The following PICALM variants were observed in gnomAD, a reference collection of about 807,000 sequenced individuals.
The protein encoded by PICALM is phosphatidylinositol binding clathrin assembly protein.
PICALM carries 40 observed loss-of-function variants against 80.5 expected under a neutral mutation model. The observed-to-expected ratio is 0.50, with a 90% CI of 0.39 to 0.65. The LOEUF (loss-of-function observed/expected upper bound fraction) is 0.65, where lower values mean the gene tolerates loss of function less well. PICALM is among the 30% of genes least tolerant of loss of function. The pLI, the probability that PICALM is intolerant of heterozygous loss-of-function variation, is 0.00. For missense variants in PICALM, 676 were observed against 778.9 expected (o/e 0.87, Z 1.57); for synonymous variants, 288 against 260.3 (o/e 1.11, Z -1.02).
intron 8 of PICALM, chr11:86,003,684 T>C (rs965591579): frequency 3.0e-6 from 1 of 336,452 alleles, no homozygotes; most frequent in African/African-American, 2.1e-5. Flanking sequence ...CTGAAAACTA[T>C]GTAAACATGA....
Position 85,961,142 on chromosome 11 carries a change from G to A in PICALM, c.1945-2082C>T, listed in dbSNP as rs2093675061. Among the ~76,000 whole-genome samples, 3 of 152,174 alleles carry A rather than the reference G, an allele frequency of 2.0e-5. No homozygotes were observed. In the South Asian group the frequency reaches 6.2e-4, roughly 32 times the overall value. On this transcript the variant is annotated intron_variant, in intron 19 of 19. Transcript: ENST00000393346. ...TAATTGCATTTTTGTTTAAAATTGA[G>A]AGAACATGGTTTCCTGTGTCCAGGC...
intron 11 of PICALM, among the ~76,000 whole-genome samples, chr11:85,998,456 G>C (rs962712108): frequency 1.3e-5 from 2 of 151,620 alleles, no homozygotes; most frequent in African/African-American, 4.8e-5. Flanking sequence ...TGACCCCAGA[G>C]TGTCTAAGAA....
chr11:86,019,636 C>A lies in PICALM; in HGVS notation c.452+2731G>T, dbSNP rs535931644. Among the ~76,000 whole-genome samples the A allele has an allele frequency of 2.6e-5, 4 of 152,274 alleles. No homozygotes were observed. The South Asian group carries it at 8.3e-4, about 32-fold the overall frequency. ...AAAATCAGACTTCTAAAAAAGTTCT[C>A]CACCATAATCTTCTACAAAGTGCTT... On this transcript the variant is annotated intron_variant, in intron 4 of 19. Transcript: ENST00000393346.
intron 11 of PICALM, among the ~76,000 whole-genome samples, chr11:85,998,583 A>G (rs945978352): frequency 2.0e-5 from 3 of 151,996 alleles, no homozygotes; most frequent in Non-Finnish European, 4.4e-5. Context: ...GCTTGAGTTC[A>G]AAAGTTCAAG....
intron 4 of PICALM, among the ~76,000 whole-genome samples, chr11:86,017,357 G>C (rs2095497308): frequency 6.6e-6 from 1 of 152,020 alleles, no homozygotes; most frequent in East Asian, 1.9e-4. Context: ...TTAGCTCACT[G>C]AGCTTGCTTG....
At chr11:86,023,409 T>A in intron 3 of PICALM, 1 of 978,024 alleles carries the variant, frequency 1.0e-6, no homozygotes, top group Non-Finnish European at 1.2e-6. Flanking sequence ...CCCATATGAC[T>A]TCATACCTAC....
At chr11:85,994,786 T>C (rs1173746632) in intron 12 of PICALM, among the ~76,000 whole-genome samples, 1 of 152,242 alleles carries the variant, frequency 6.6e-6, no homozygotes, top group East Asian at 1.9e-4. Context: ...TCATTGCAAT[T>C]TCCGCCTCCG....
chr11:86,036,682 G>A (rs1347990476), intron 1 of PICALM, among the ~76,000 whole-genome samples: 1 of 152,150 alleles, frequency 6.6e-6, no homozygotes, highest in Non-Finnish European at 1.5e-5. Context: ...GTCTGACTAT[G>A]AAATACTATG....
intron 14 of PICALM, among the ~76,000 whole-genome samples, chr11:85,983,200 A>T (rs2094493230): frequency 6.6e-6 from 1 of 152,326 alleles, no homozygotes; most frequent in South Asian, 2.1e-4. Context: ...GCTAAAAGTT[A>T]ATTACTAACC....
intron 1 of PICALM, among the ~76,000 whole-genome samples, chr11:86,064,454 G>A (rs1430396309): frequency 6.6e-6 from 1 of 152,122 alleles, no homozygotes; most frequent in South Asian, 2.1e-4. Flanking sequence ...CTTGAGCCCA[G>A]GAGTTTGAGA....
intron 4 of PICALM, among the ~76,000 whole-genome samples, chr11:86,020,189 C>G (rs1345815100): frequency 3.3e-5 from 5 of 150,650 alleles, no homozygotes; most frequent in African/African-American, 1.2e-4. Flanking sequence ...TAAAAGAAAG[C>G]TTAAATACAA....
At chr11:85,979,214 G>C (rs1354092933) in intron 17 of PICALM, among the ~76,000 whole-genome samples, 1 of 152,168 alleles carries the variant, frequency 6.6e-6, no homozygotes, top group East Asian at 1.9e-4. Flanking sequence ...GATAGGCTGG[G>C]CGTGGTAGCT....
intron 7 of PICALM, among the ~76,000 whole-genome samples, chr11:86,008,957 A>C (rs1372110558): frequency 2.0e-5 from 3 of 151,312 alleles, no homozygotes; most frequent in Non-Finnish European, 4.4e-5. Flanking sequence ...AAAGCCAAAA[A>C]AAAAAAAAAA....
intron 11 of PICALM, among the ~76,000 whole-genome samples, chr11:85,999,605 C>A (rs1028829662): frequency 6.6e-6 from 1 of 152,170 alleles, no homozygotes; most frequent in African/African-American, 2.4e-5. Context: ...TCAACAAACA[C>A]CTACTAAGAT....
At chr11:85,962,017 T>A (rs923891526) in intron 19 of PICALM, among the ~76,000 whole-genome samples, 4 of 152,194 alleles carry the variant, frequency 2.6e-5, no homozygotes, top group African/African-American at 4.8e-5. Context: ...TTGAGTAATT[T>A]CCTAATGCAT....
At chr11:85,971,502 G>A (rs146140075) in intron 19 of PICALM, among the ~76,000 whole-genome samples, 307 of 151,744 alleles carry the variant, frequency 2.0e-3, no homozygotes, top group African/African-American at 7.1e-3. Flanking sequence ...TTGGGAGGCC[G>A]AGGCAGATGA....
intron 8 of PICALM, among the ~76,000 whole-genome samples, chr11:86,006,199 G>A (rs1249324788): frequency 6.6e-6 from 1 of 152,170 alleles, no homozygotes; most frequent in Non-Finnish European, 1.5e-5. Flanking sequence ...TCTTAATAAA[G>A]CCAATTTATT....
chr11:85,990,429 TGAA>T (rs1387662267), intron 12 of PICALM, 30 bp from the exon 13 acceptor site: 1 of 1,441,336 alleles, frequency 6.9e-7, no homozygotes, highest in African/African-American at 1.4e-5. Context: ...TATAGCAAAA[TGAA>T]GAAAGGAAGT....
chr11:86,023,747 A>C (rs78512959), intron 3 of PICALM, among the ~76,000 whole-genome samples: 1,753 of 152,342 alleles, frequency 0.012, 39 homozygotes, highest in African/African-American at 0.04. Context: ...AGTGAAAATT[A>C]AAGGATGAGT....
Sources: gnomAD v4.1 joint callset for allele counts (sites outside exome capture counted in the v4.1 genomes callset) on GRCh38, gnomAD v4.1.1 for gene constraint, MANE v1.5 for transcripts, NCBI Gene and HGNC (gene_info 2026-07-23, HGNC 2026-07-21) for gene names.